The following BMP2 variants were observed in gnomAD, a reference collection of about 807,000 sequenced individuals.
BMP2 encodes the protein bone morphogenetic protein 2A.
A neutral mutation model predicts 28.8 loss-of-function variants in BMP2; 2 were observed. The ratio of observed to expected loss-of-function variants is 0.07; its 90% CI spans 0.03 to 0.22. The LOEUF (loss-of-function observed/expected upper bound fraction) is 0.22. BMP2 is among the 10% of genes least tolerant of loss of function. The probability of loss-of-function intolerance (pLI) is 1.00; values close to 1 mark genes in which losing one functional copy is unlikely to be tolerated. For missense variants in BMP2, 437 were observed against 517.7 expected (o/e 0.84, Z 1.51); for synonymous variants, 218 against 204.3 (o/e 1.07, Z -0.57).
At position 6,779,949 on chromosome 20, in the gene BMP2, T is replaced by C. The variant is rs1009823781; in HGVS notation, c.*860T>C. The C allele has an allele frequency of 6.6e-6, 1 of 152,500 alleles. No homozygotes were observed. Among genetic ancestry groups the C allele is most frequent in the Non-Finnish European group, 1.5e-5 (1 of 68,042 alleles). The allele number at this position is 152,500 out of a possible 1,614,324, so 9.4% of individuals were successfully genotyped here. A position where few individuals can be genotyped will look rare whatever the true frequency, so the allele number is the denominator to read the frequency against. The stretch of plus-strand genomic sequence containing the variant: ...CCAAAGTATTCAATAAAACGTAAGA[T>C]TTCTTCATTATTGATATTGTGGTCA... On this transcript the variant is annotated 3_prime_UTR_variant, in exon 3 of 3. Transcript: ENST00000378827.
rs1283380090 is a variant in BMP2, at chr20:6,779,749, G to A, written c.*660G>A. ...CTTATTAGGTGGAATATTTGGATAA[G>A]AACCAGACATTGCTGATCTATTATA... On this transcript the variant is annotated 3_prime_UTR_variant, in exon 3 of 3. Transcript: ENST00000378827. 5 of 152,568 alleles carry A rather than the reference G, an allele frequency of 3.3e-5. No homozygotes were observed. The highest frequency in any genetic ancestry group is 5.9e-5 in the Non-Finnish European group (4 of 68,040). 9.5% of individuals were successfully genotyped at this position (152,568 alleles called of 1,614,324 possible). A position where few individuals can be genotyped will look rare whatever the true frequency, so the allele number is the denominator to read the frequency against.
Position 6,779,010 on chromosome 20 carries a change from T to C in BMP2, c.1112T>C (p.Met371Thr). 6.2e-7 allele frequency: 1 copy of C among 1,613,936 alleles called. No homozygotes were observed. The highest frequency in any genetic ancestry group is 1.1e-5 in the South Asian group (1 of 91,078). ...CCGACAGAACTCAGTGCTATCTCGA[T>C]GCTGTACCTTGACGAGAATGAAAAG... ...CVPTELSAIS[M>T]LYLDENEKVV... The change falls in exon 3 of 3, where the codon ATG becomes ACG. Residue 371 changes from methionine (M) to threonine (T), a missense_variant. Physicochemically the swap from Met to Thr is moderately conservative, Grantham distance 81 (BLOSUM62 -1). Around this residue, in one of 2 missense-constraint regions of BMP2, gnomAD observed 74 missense variants for 124.9 expected, o/e 0.59. Transcript: ENST00000378827.
intron 1 of BMP2, 104 bp from the exon 2 acceptor site, chr20:6,770,016 T>A (rs1429378921): frequency 8.2e-7 from 1 of 1,226,818 alleles, no homozygotes; most frequent in Non-Finnish European, 1.1e-6. Context: ...CAGGAGGGCA[T>A]CCTGGAGGAG....
rs1236232681 is a variant in BMP2 at position 6,767,782 on chromosome 20, G to C, written c.-1101G>C. On this transcript the variant is annotated 5_prime_UTR_variant, in exon 1 of 3. Transcript: ENST00000378827. ...GCTCCGCTTCCCACACCCCGCCGGG[G>C]ACTGGCAGCCGCCGCCGCACATCTG... is the stretch of plus-strand genomic sequence containing the variant. The C allele has an allele frequency of 3.6e-6, 1 of 278,080 alleles. No individual in the cohort carries two copies. The highest frequency in any genetic ancestry group is 2.2e-5 in the African/African-American group (1 of 44,656). The allele number at this position is 278,080 out of a possible 1,614,324, so 17.2% of individuals were successfully genotyped here.
At chr20:6,774,382 C>G (rs1399471650) in intron 2 of BMP2, among the ~76,000 whole-genome samples, 1 of 152,008 alleles carries the variant, frequency 6.6e-6, no homozygotes, top group Non-Finnish European at 1.5e-5. Context: ...AAAAAATAGC[C>G]AGGTATGATG....
In BMP2 at chr20:6,779,767, C is replaced by G. The variant is rs1228031254; in HGVS notation, c.*678C>G. ...TGGATAAGAACCAGACATTGCTGAT[C>G]TATTATAGAAACTCTCCTCCTGCCC... On this transcript the variant is annotated 3_prime_UTR_variant, in exon 3 of 3. Transcript: ENST00000378827. The G allele has an allele frequency of 6.6e-6, 1 of 152,542 alleles. No homozygotes were observed. Among genetic ancestry groups the G allele is most frequent in the Non-Finnish European group, 1.5e-5 (1 of 68,020 alleles). The allele number at this position is 152,542 out of a possible 1,614,324, so 9.4% of individuals were successfully genotyped here.
At chr20:6,769,612 G>GTGTGT (rs1555785662) in intron 1 of BMP2, among the ~76,000 whole-genome samples, 4 of 139,906 alleles carry the variant, frequency 2.9e-5, no homozygotes, top group African/African-American at 8.2e-5. Context: ...AAGCTATAAG[G>GTGTGT]GTGTGTGTGT....
chr20:6,774,730 G>A (rs1249742139), intron 2 of BMP2, among the ~76,000 whole-genome samples: 3 of 152,086 alleles, frequency 2.0e-5, no homozygotes, highest in Non-Finnish European at 4.4e-5. Context: ...TTCATATAAA[G>A]CTGATGGTGC....
rs1986303814 is a variant in BMP2 at position 6,768,404 on chromosome 20, A to AC, written c.-474dup. The AC allele has an allele frequency of 2.5e-6, 1 of 392,298 alleles. No homozygotes were observed. The highest frequency in any genetic ancestry group is 4.5e-6 in the Non-Finnish European group (1 of 223,078). 24.3% of individuals were successfully genotyped at this position (392,298 alleles called of 1,614,324 possible). A position where few individuals can be genotyped will look rare whatever the true frequency, so the allele number is the denominator to read the frequency against. The stretch of plus-strand genomic sequence containing the variant: ...GCTAGCGCGGAGCGCCCGACCCTCG[A>AC]CCCCCGAGTCCCGGAGCCGGCCCCG... On this transcript the variant is annotated 5_prime_UTR_variant, in exon 1 of 3. It introduces an in-frame stop codon into an upstream open reading frame of the 5' UTR. Transcript: ENST00000378827.
Position 6,778,722 on chromosome 20 carries a change from C to T in BMP2, c.824C>T (p.Pro275Leu). ...VTFGHDGKGH[P>L]LHKREKRQAK... is the part of the protein sequence containing the mutation. ...TTTGGCCATGATGGAAAAGGGCATC[C>T]TCTCCACAAAAGAGAAAAACGTCAA... Residue 275 changes from proline to leucine, a missense_variant, in exon 3 of 3, where the codon CCT becomes CTT. Pro to Leu is a moderately conservative substitution (Grantham distance 98). This residue lies in a region of BMP2 where 363 missense variants were observed against 392.8 expected (regional missense o/e 0.92). Transcript: ENST00000378827. This position sits in a 1 kb window ranked among gnomAD's most constrained non-coding sequence, Gnocchi z 5.0. 2 of 1,614,168 alleles carry T rather than the reference C, an allele frequency of 1.2e-6. No homozygotes were observed. Among genetic ancestry groups the T allele is most frequent in the Non-Finnish European group, 1.7e-6 (2 of 1,180,026 alleles).
intron 2 of BMP2, among the ~76,000 whole-genome samples, chr20:6,774,140 G>C (rs1394127897): frequency 1.3e-5 from 2 of 151,710 alleles, no homozygotes; most frequent in African/African-American, 4.8e-5. Context: ...TGTTATCATT[G>C]TACTAAATAT....
chr20:6,774,705 T>G (rs1986465050), intron 2 of BMP2, among the ~76,000 whole-genome samples: 1 of 152,178 alleles, frequency 6.6e-6, no homozygotes, highest in African/African-American at 2.4e-5. Flanking sequence ...CTCTAATTGG[T>G]TTGTTGTGAG....
chr20:6,775,518 C>T (rs1329077527), intron 2 of BMP2, among the ~76,000 whole-genome samples: 3 of 152,072 alleles, frequency 2.0e-5, no homozygotes, highest in African/African-American at 4.8e-5. Flanking sequence ...ATTATTTGCT[C>T]GTCTATTTTT....
Position 6,768,731 on chromosome 20 carries a change from G to C in BMP2, c.-152G>C. The C allele has an allele frequency of 2.5e-6, 1 of 397,592 alleles. No individual in the cohort carries two copies. The highest frequency in any genetic ancestry group is 4.4e-6 in the Non-Finnish European group (1 of 225,578). 24.6% of individuals were successfully genotyped at this position (397,592 alleles called of 1,614,324 possible). On this transcript the variant is annotated 5_prime_UTR_variant, in exon 1 of 3. Transcript: ENST00000378827. ...GCGTGAAAAGAGAGACTGCGCGGCC[G>C]GCACCCGGGAGAAGGAGGAGGCAAA...
intron 1 of BMP2, among the ~76,000 whole-genome samples, chr20:6,769,473 A>G (rs868461706): frequency 2.0e-5 from 3 of 152,120 alleles, no homozygotes; most frequent in African/African-American, 4.8e-5. Flanking sequence ...GGGAAGATAC[A>G]TGTGTATCTT....
At position 6,773,016 on chromosome 20, in the gene BMP2, A is replaced by G. The variant is rs571729921; in HGVS notation, c.346+2544A>G. Among the ~76,000 whole-genome samples, 4 of 152,294 alleles carry G rather than the reference A, an allele frequency of 2.6e-5. No individual in the cohort carries two copies. In the East Asian group the frequency reaches 7.7e-4, roughly 29 times the overall value. Reference sequence around the variant, plus strand: ...GTTGGAAACACATTGAAACTGGTTGACTTCACTGGCCCTCCAAAAAGTCTT... The same window carrying G: ...GTTGGAAACACATTGAAACTGGTTGGCTTCACTGGCCCTCCAAAAAGTCTT... On this transcript the variant is annotated intron_variant, in intron 2 of 2. Transcript: ENST00000378827.
chr20:6,772,483 CATT>C (rs1986419183), intron 2 of BMP2, among the ~76,000 whole-genome samples: 1 of 152,122 alleles, frequency 6.6e-6, no homozygotes, highest in Non-Finnish European at 1.5e-5. Context: ...CAAGACTAAT[CATT>C]GTTGTATACA....
intron 2 of BMP2, among the ~76,000 whole-genome samples, chr20:6,774,309 T>C (rs1454956487): frequency 6.6e-6 from 1 of 152,060 alleles, no homozygotes; most frequent in Non-Finnish European, 1.5e-5. Flanking sequence ...GTGGATCACT[T>C]GAGGTCAGGA....
chr20:6,776,921 A>G (rs760159351), intron 2 of BMP2, among the ~76,000 whole-genome samples: 3 of 152,244 alleles, frequency 2.0e-5, no homozygotes, highest in African/African-American at 4.8e-5. Flanking sequence ...TAATAAAAAC[A>G]TAGTCTCTTC....
Sources: gnomAD v4.1 joint callset for allele counts (sites outside exome capture counted in the v4.1 genomes callset) on GRCh38, gnomAD v4.1.1 for gene constraint, gnomAD v4.1.1 regional missense constraint, Gnocchi (gnomAD v3.1) non-coding constraint, MANE v1.5 for transcripts, NCBI Gene and HGNC (gene_info 2026-07-23, HGNC 2026-07-21) for gene names.